PCBP3: variants seen among roughly 807,000 people sequenced by gnomAD.
PCBP3 encodes poly(rC) binding protein 3, also known as poly(rC)-binding protein 3.
PCBP3 carries 25 observed loss-of-function variants against 52.7 expected under a neutral mutation model. The observed-to-expected ratio is 0.47, with a 90% CI of 0.35 to 0.66. The LOEUF (loss-of-function observed/expected upper bound fraction) is 0.66, where lower values mean the gene tolerates loss of function less well. Ranked by LOEUF, PCBP3 falls within the 30% of genes least tolerant of loss-of-function variation. The pLI, the probability that PCBP3 is intolerant of heterozygous loss-of-function variation, is 0.01. For synonymous variants in PCBP3, 162 were observed against 183.0 expected, an observed-to-expected ratio of 0.89 and a Z score of 0.93; for missense variants, 391 against 490.3, an observed-to-expected ratio of 0.80 and a Z score of 1.91.
chr21:45,701,069 G>A (rs1481147580), intron 2 of PCBP3, among the ~76,000 whole-genome samples: 7 of 152,098 alleles, frequency 4.6e-5, no homozygotes, highest in Admixed American at 4.6e-4. Flanking sequence ...TCGCCTGGAG[G>A]GATTTTGCCT....
chr21:45,929,258 C>T (rs925020375), intron 13 of PCBP3, among the ~76,000 whole-genome samples: 5 of 152,176 alleles, frequency 3.3e-5, no homozygotes, highest in Admixed American at 1.3e-4. Flanking sequence ...GGGCCCGAGG[C>T]GTCCCTCCCT....
intron 2 of PCBP3, among the ~76,000 whole-genome samples, chr21:45,734,819 C>G (rs2085736663): frequency 2.6e-5 from 4 of 152,256 alleles, no homozygotes; most frequent in Admixed American, 2.6e-4. Flanking sequence ...CACTCTTTCT[C>G]TGTCACAGCT....
chr21:45,878,283 C>T (rs532532945), intron 5 of PCBP3, among the ~76,000 whole-genome samples: 29 of 152,238 alleles, frequency 1.9e-4, no homozygotes, highest in African/African-American at 4.3e-4. Context: ...CCCTGCCCTC[C>T]GGGGTGGGGG....
chr21:45,937,246 G>T (rs2076981596), intron 16 of PCBP3, among the ~76,000 whole-genome samples: 1 of 152,202 alleles, frequency 6.6e-6, no homozygotes, highest in African/African-American at 2.4e-5. Context: ...AGACTCACAG[G>T]CTCCCCAGCA....
At chr21:45,819,217 G>C (rs1320740208) in intron 4 of PCBP3, among the ~76,000 whole-genome samples, 3 of 152,162 alleles carry the variant, frequency 2.0e-5, no homozygotes, top group Non-Finnish European at 4.4e-5. Context: ...TCTGGTGGCG[G>C]GCTGTGGGGG....
intron 4 of PCBP3, among the ~76,000 whole-genome samples, chr21:45,813,187 C>G (rs1333087096): frequency 6.6e-6 from 1 of 152,152 alleles, no homozygotes; most frequent in African/African-American, 2.4e-5. Flanking sequence ...GCAGGTCTCT[C>G]AGGTTCTGTT....
At chr21:45,893,666 C>T (rs1270525480) in intron 5 of PCBP3, 3 of 801,234 alleles carry the variant, frequency 3.7e-6, no homozygotes, top group Non-Finnish European at 4.3e-6. Flanking sequence ...GTGCCTGTCC[C>T]TTCTCCCTGT....
chr21:45,787,573 G>C (rs1038765422), intron 4 of PCBP3, among the ~76,000 whole-genome samples: 1 of 152,138 alleles, frequency 6.6e-6, no homozygotes, highest in Non-Finnish European at 1.5e-5. Flanking sequence ...GAGTTTTTTG[G>C]AAGTGTTTCC....
chr21:45,725,152 T>A (rs537463096), intron 2 of PCBP3, among the ~76,000 whole-genome samples: 2 of 152,320 alleles, frequency 1.3e-5, no homozygotes, highest in East Asian at 3.9e-4. Context: ...CCAGTGGCAA[T>A]GCCAGAGCCT....
At chr21:45,828,047 T>TC (rs1481758950) in intron 4 of PCBP3, 2 of 152,294 alleles carry the variant, frequency 1.3e-5, no homozygotes, top group African/African-American at 4.8e-5. Context: ...ACTAGTGCAG[T>TC]CCCCATCTGG....
chr21:45,868,502 TCTGA>T (rs1357457414), intron 5 of PCBP3, among the ~76,000 whole-genome samples: 4 of 151,422 alleles, frequency 2.6e-5, no homozygotes, highest in Non-Finnish European at 4.4e-5. Context: ...AATGTGTGTG[TCTGA>T]CTTTCTGCAG....
At chr21:45,657,337 A>G (rs184148345) in intron 1 of PCBP3, among the ~76,000 whole-genome samples, 79 of 152,288 alleles carry the variant, frequency 5.2e-4, no homozygotes, top group Non-Finnish European at 9.8e-4. Flanking sequence ...ATTTTTGTCT[A>G]TGGTATGAAG....
intron 4 of PCBP3, among the ~76,000 whole-genome samples, chr21:45,834,058 A>G (rs1478088874): frequency 6.6e-6 from 1 of 152,260 alleles, no homozygotes; most frequent in Non-Finnish European, 1.5e-5. Context: ...GAGCCAGGAC[A>G]TGTCCTGGGT....
intron 5 of PCBP3, chr21:45,893,790 GCAAGCCT>G (rs1302901239): frequency 1.0e-6 from 1 of 985,374 alleles, no homozygotes; most frequent in South Asian, 4.7e-5. Context: ...GGAGGGGCGG[GCAAGCCT>G]CAGAACGGGC....
At chr21:45,850,181 C>G in intron 5 of PCBP3, 86 bp downstream of exon 5, 3 of 1,106,148 alleles carry the variant, frequency 2.7e-6, no homozygotes, top group Non-Finnish European at 2.7e-6. Flanking sequence ...CAAATGAAAT[C>G]TGTTTGAAGT....
chr21:45,665,271 G>T (rs1025867721), intron 1 of PCBP3, among the ~76,000 whole-genome samples: 1 of 151,972 alleles, frequency 6.6e-6, no homozygotes, highest in Non-Finnish European at 1.5e-5. Flanking sequence ...AGACAGGCAT[G>T]GTGGTACATG....
At chr21:45,799,838 G>A (rs1383996093) in intron 4 of PCBP3, among the ~76,000 whole-genome samples, 2 of 152,208 alleles carry the variant, frequency 1.3e-5, no homozygotes, top group Non-Finnish European at 2.9e-5. Flanking sequence ...CGCAGAATAT[G>A]ATTAAAAAAT....
rs188393239 is a variant in PCBP3, at chr21:45,667,237, A to G, written c.-278-1637A>G. Reference sequence around the variant, plus strand: ...TGCCCAGGCTGGTCTTGAACTCCCAACCTTAAGCCATCCTTCCACCTCAGC... The same window carrying G: ...TGCCCAGGCTGGTCTTGAACTCCCAGCCTTAAGCCATCCTTCCACCTCAGC... On this transcript the variant is annotated intron_variant, in intron 1 of 17. Transcript: ENST00000681687. 8.0e-5 allele frequency among the ~76,000 whole-genome samples: 12 copies of G among 150,806 alleles called. No individual in the cohort carries two copies. In the East Asian group the frequency reaches 2.4e-3, roughly 30 times the overall value.
At position 45,853,512 on chromosome 21, in the gene PCBP3, G is replaced by A. The variant is rs2094134918; in HGVS notation, c.10+3417G>A. On this transcript the variant is annotated intron_variant, in intron 5 of 17. Coordinates refer to ENST00000681687, the MANE Select transcript of PCBP3 (RefSeq NM_001384156.1). This position sits in a 1 kb window ranked among gnomAD's most constrained non-coding sequence, Gnocchi z 4.6. ...GAGCAGCCCGAGCAAGCAGCTCACG[G>A]GCCCCAGCGACAGAATTTTCTGGGG... Among the ~76,000 whole-genome samples, 1 of 152,196 alleles carries A rather than the reference G, an allele frequency of 6.6e-6. No homozygotes were observed. The highest frequency in any genetic ancestry group is 2.1e-4 in the South Asian group (1 of 4,826).
Sources: allele counts gnomAD v4.1 joint callset (sites outside exome capture counted in the v4.1 genomes callset), GRCh38; gene constraint gnomAD v4.1.1; non-coding constraint Gnocchi (gnomAD v3.1); transcripts MANE v1.5; gene names NCBI Gene and HGNC (gene_info 2026-07-23, HGNC 2026-07-21).